PCSK2: variants seen among roughly 807,000 people sequenced by gnomAD.
The protein encoded by PCSK2 is proprotein convertase subtilisin/kexin type 2.
PCSK2 carries 14 observed loss-of-function variants against 69.7 expected under a neutral mutation model. The ratio of observed to expected loss-of-function variants is 0.20; its 90% CI spans 0.13 to 0.31. PCSK2 has a LOEUF of 0.31. Ranked by LOEUF, PCSK2 falls within the 10% of genes least tolerant of loss-of-function variation. The pLI is 1.00. For synonymous variants in PCSK2, 307 were observed against 320.7 expected (o/e 0.96, Z 0.46); for missense variants, 544 against 842.5 (o/e 0.65, Z 4.39).
At chr20:17,290,341 A>G (rs1041155327) in intron 2 of PCSK2, among the ~76,000 whole-genome samples, 4 of 152,190 alleles carry the variant, frequency 2.6e-5, no homozygotes, top group African/African-American at 9.6e-5. Context: ...CCATTTTGTC[A>G]TAAGAATATC....
At position 17,378,215 on chromosome 20, in the gene PCSK2, T is replaced by C. The variant is rs114256447; in HGVS notation, c.543+8938T>C. Among the ~76,000 whole-genome samples the C allele has an allele frequency of 4.3e-3, 658 of 152,290 alleles. 4 individuals carry two copies. Among genetic ancestry groups the C allele is most frequent in the African/African-American group, 0.014 (580 of 41,566 alleles). The stretch of plus-strand genomic sequence containing the variant: ...CCCTAAAAAATTAGAGAAAGAAAGA[T>C]ACTTAAATGCATTTAAAGAATGCAG... On this transcript the variant is annotated intron_variant, in intron 5 of 11. Transcript: ENST00000262545.
At chr20:17,315,491 G>A (rs985523509) in intron 2 of PCSK2, among the ~76,000 whole-genome samples, 1 of 152,270 alleles carries the variant, frequency 6.6e-6, no homozygotes, top group South Asian at 2.1e-4. Context: ...CGCGGAAAGC[G>A]TCCCGGTGCA....
intron 2 of PCSK2, among the ~76,000 whole-genome samples, chr20:17,271,871 T>G (rs8117664): frequency 0.12 from 18,093 of 152,082 alleles, 1,348 homozygotes; most frequent in African/African-American, 0.21. Context: ...TGCACTACCA[T>G]TTTGCAGTCC....
At chr20:17,330,331 C>T (rs1470335781) in intron 2 of PCSK2, among the ~76,000 whole-genome samples, 2 of 151,892 alleles carry the variant, frequency 1.3e-5, no homozygotes, top group Non-Finnish European at 2.9e-5. Flanking sequence ...CAGTGGCTCA[C>T]ACCTGTAATC....
chr20:17,250,738 G>A (rs575124994), intron 1 of PCSK2, among the ~76,000 whole-genome samples: 12 of 152,110 alleles, frequency 7.9e-5, no homozygotes, highest in Non-Finnish European at 1.5e-4. Context: ...CCAGAATCAT[G>A]GTAAGATATG....
At chr20:17,371,064 A>G (rs1010896367) in intron 5 of PCSK2, among the ~76,000 whole-genome samples, 1 of 152,178 alleles carries the variant, frequency 6.6e-6, no homozygotes, top group African/African-American at 2.4e-5. Context: ...AGTTCTGCTC[A>G]CTTTCCCAAA....
intron 2 of PCSK2, among the ~76,000 whole-genome samples, chr20:17,317,487 G>C (rs1169359549): frequency 6.6e-6 from 1 of 152,308 alleles, no homozygotes; most frequent in South Asian, 2.1e-4. Context: ...AATTCTGGCT[G>C]TGTCCATTAG....
At chr20:17,284,189 T>G (rs1988431249) in intron 2 of PCSK2, among the ~76,000 whole-genome samples, 1 of 152,202 alleles carries the variant, frequency 6.6e-6, no homozygotes, top group Admixed American at 6.5e-5. Flanking sequence ...GGGAACATTG[T>G]TCCCACTAAA....
chr20:17,344,182 G>T (rs1052348760), intron 2 of PCSK2, among the ~76,000 whole-genome samples: 1 of 152,304 alleles, frequency 6.6e-6, no homozygotes, highest in South Asian at 2.1e-4. Flanking sequence ...TGCTCTGTGC[G>T]TAAGTAGAAG....
Position 17,453,686 on chromosome 20 carries a change from T to G in PCSK2, c.886-56T>G. On this transcript the variant is annotated intron_variant, in intron 8 of 11. Coordinates refer to ENST00000262545, the MANE Select transcript of PCSK2 (RefSeq NM_002594.5). This position sits in a 1 kb window ranked among gnomAD's most constrained non-coding sequence, Gnocchi z 4.0. Reference sequence around the variant, plus strand: ...CAACCCCTGGGCTGGAGACCTCCCCTGCCCCCTCGCAGCCCAGGCTGTGGG... The same window carrying G: ...CAACCCCTGGGCTGGAGACCTCCCCGGCCCCCTCGCAGCCCAGGCTGTGGG... The G allele has an allele frequency of 1.3e-6, 2 of 1,597,404 alleles. No homozygotes were observed. The highest frequency in any genetic ancestry group is 2.2e-5 in the South Asian group (2 of 90,628).
At chr20:17,378,590 C>CGGATGGATGGAT (rs57945532) in intron 5 of PCSK2, among the ~76,000 whole-genome samples, 6 of 136,192 alleles carry the variant, frequency 4.4e-5, no homozygotes, top group African/African-American at 8.1e-5. Flanking sequence ...GATGGATGGA[C>CGGATGGATGGAT]GGATGGATGG....
At chr20:17,226,706 T>A (rs1024275171), upstream of PCSK2, among the ~76,000 whole-genome samples, 2 of 151,770 alleles carry the variant, frequency 1.3e-5, no homozygotes, top group East Asian at 3.9e-4. Flanking sequence ...GCCGCTGGCC[T>A]GATTACAGCT....
chr20:17,231,271 C>A (rs1355657772), intron 1 of PCSK2, among the ~76,000 whole-genome samples: 1 of 152,142 alleles, frequency 6.6e-6, no homozygotes, highest in Non-Finnish European at 1.5e-5. Flanking sequence ...TGAAAACAAC[C>A]TAATAATCAT....
chr20:17,327,603 A>G (rs1990098840), intron 2 of PCSK2, among the ~76,000 whole-genome samples: 2 of 152,116 alleles, frequency 1.3e-5, no homozygotes, highest in African/African-American at 2.4e-5. Flanking sequence ...GCTCGCTGCC[A>G]TGGCAACGCG....
At chr20:17,355,253 G>A (rs2030153290) in intron 2 of PCSK2, among the ~76,000 whole-genome samples, 1 of 152,186 alleles carries the variant, frequency 6.6e-6, no homozygotes, top group Admixed American at 6.5e-5. Context: ...GAAATCTGAT[G>A]TGAGTATTTT....
intron 1 of PCSK2, 118 bp from the exon 2 acceptor site, chr20:17,260,122 T>C (rs1748129678): frequency 1.5e-6 from 1 of 688,690 alleles, no homozygotes; most frequent in South Asian, 1.7e-5. Flanking sequence ...TTGCCAGTGG[T>C]TTCCTTGCAT....
At chr20:17,383,443 A>G (rs2123257211) in intron 5 of PCSK2, among the ~76,000 whole-genome samples, 1 of 152,328 alleles carries the variant, frequency 6.6e-6, no homozygotes, top group Admixed American at 6.5e-5. Context: ...AAGCCTCTCT[A>G]TCCAAGACTG....
At chr20:17,264,831 T>A (rs1987528926) in intron 2 of PCSK2, among the ~76,000 whole-genome samples, 1 of 150,626 alleles carries the variant, frequency 6.6e-6, no homozygotes. Context: ...AATGCTGTTA[T>A]CTTTTGGAAA....
intron 3 of PCSK2, among the ~76,000 whole-genome samples, chr20:17,359,854 T>C (rs1049846412): frequency 5.9e-5 from 9 of 152,160 alleles, no homozygotes; most frequent in Admixed American, 1.3e-4. Flanking sequence ...CACATGAAGA[T>C]TGGGAGTGGA....
Sources: allele counts gnomAD v4.1 joint callset (sites outside exome capture counted in the v4.1 genomes callset), GRCh38; gene constraint gnomAD v4.1.1; non-coding constraint Gnocchi (gnomAD v3.1); transcripts MANE v1.5; gene names NCBI Gene and HGNC (gene_info 2026-07-23, HGNC 2026-07-21).